METTL25: variants seen among roughly 807,000 people sequenced by gnomAD.
METTL25 encodes the protein probable methyltransferase-like protein 25.
Under a neutral mutation model 71.6 loss-of-function variants are expected in METTL25, and 64 were observed. That is an observed-to-expected ratio of 0.89 (90% CI 0.73 to 1.10). The LOEUF (loss-of-function observed/expected upper bound fraction) is 1.10. Ranked by LOEUF, METTL25 falls within the 50% of genes least tolerant of loss-of-function variation. The pLI, the probability that METTL25 is intolerant of heterozygous loss-of-function variation, is 0.00. For synonymous variants in METTL25, 287 were observed against 250.3 expected (o/e 1.15, Z -1.38); for missense variants, 807 against 707.0 (o/e 1.14, Z -1.60).
At chr12:82,360,327 CT>C (rs1472528078) in intron 1 of METTL25, among the ~76,000 whole-genome samples, 1 of 151,948 alleles carries the variant, frequency 6.6e-6, no homozygotes, top group Admixed American at 6.6e-5. Flanking sequence ...CTCTTTTAAT[CT>C]TTACATCAGC....
intron 7 of METTL25, among the ~76,000 whole-genome samples, chr12:82,435,273 T>G (rs956568055): frequency 6.6e-6 from 1 of 151,418 alleles, no homozygotes; most frequent in Admixed American, 6.6e-5. Flanking sequence ...TTTTGGACCC[T>G]TTCATAAAAT....
chr12:82,474,209 A>G (rs935628060), intron 9 of METTL25, among the ~76,000 whole-genome samples: 4 of 152,156 alleles, frequency 2.6e-5, no homozygotes, highest in African/African-American at 9.7e-5. Flanking sequence ...TCTTCTGCTT[A>G]CTTTTTCCCT....
chr12:82,366,484 C>A (rs142163889), intron 1 of METTL25, among the ~76,000 whole-genome samples: 1 of 152,216 alleles, frequency 6.6e-6, no homozygotes, highest in Non-Finnish European at 1.5e-5. Context: ...TTTTGGTGAT[C>A]ATCTGGTGTA....
intron 8 of METTL25, among the ~76,000 whole-genome samples, chr12:82,442,005 C>T (rs920517019): frequency 1.3e-5 from 2 of 151,958 alleles, no homozygotes; most frequent in Admixed American, 6.6e-5. Context: ...TAAAAATTAA[C>T]GCAATACCAC....
intron 9 of METTL25, among the ~76,000 whole-genome samples, chr12:82,461,099 T>C (rs1223381349): frequency 1.3e-5 from 2 of 152,120 alleles, no homozygotes; most frequent in Non-Finnish European, 1.5e-5. Context: ...GCCAAGATCG[T>C]GCCACTGCAC....
intron 5 of METTL25, among the ~76,000 whole-genome samples, chr12:82,417,910 G>A (rs1565847236): frequency 2.6e-5 from 4 of 152,028 alleles, no homozygotes; most frequent in Non-Finnish European, 5.9e-5. Flanking sequence ...GGAGACAGAC[G>A]GTCTTCCAGA....
At chr12:82,400,861 A>G (rs919575656) in intron 4 of METTL25, among the ~76,000 whole-genome samples, 1 of 152,134 alleles carries the variant, frequency 6.6e-6, no homozygotes, top group African/African-American at 2.4e-5. Context: ...CTACTTGCTA[A>G]TATTAACTAA....
intron 8 of METTL25, among the ~76,000 whole-genome samples, chr12:82,451,514 A>G (rs1315958460): frequency 1.3e-5 from 2 of 152,184 alleles, no homozygotes; most frequent in Non-Finnish European, 2.9e-5. Flanking sequence ...TACTTACAAC[A>G]ATGCCTGGAA....
chr12:82,473,216 GGTC>G (rs1462910165), intron 9 of METTL25, among the ~76,000 whole-genome samples: 1 of 152,116 alleles, frequency 6.6e-6, no homozygotes, highest in Non-Finnish European at 1.5e-5. Context: ...GCATATCATG[GGTC>G]AGCCAGCTTG....
chr12:82,420,564 T>C (rs933768817), intron 5 of METTL25, among the ~76,000 whole-genome samples: 2 of 152,056 alleles, frequency 1.3e-5, no homozygotes, highest in Non-Finnish European at 2.9e-5. Flanking sequence ...AAAATACATA[T>C]CAGGTGTGAA....
At chr12:82,456,280 C>T (rs1033400063) in intron 8 of METTL25, among the ~76,000 whole-genome samples, 13 of 151,754 alleles carry the variant, frequency 8.6e-5, no homozygotes, top group Non-Finnish European at 1.8e-4. Context: ...AAGTCAGATC[C>T]ATCTCATTAT....
intron 8 of METTL25, among the ~76,000 whole-genome samples, chr12:82,444,965 T>C (rs969150652): frequency 6.6e-6 from 1 of 152,128 alleles, no homozygotes; most frequent in Non-Finnish European, 1.5e-5. Flanking sequence ...CCAGACTCTA[T>C]AGAATTCAGC....
intron 3 of METTL25, among the ~76,000 whole-genome samples, chr12:82,393,864 T>G (rs909789090): frequency 3.9e-5 from 6 of 152,032 alleles, no homozygotes; most frequent in Admixed American, 3.9e-4. Context: ...TTTCTACTTT[T>G]TTGTTACATG....
At chr12:82,358,918 T>G in intron 1 of METTL25, 94 bp downstream of exon 1, 1 of 1,446,876 alleles carries the variant, frequency 6.9e-7, no homozygotes, top group Admixed American at 2.1e-5. Context: ...CAGAACCAGG[T>G]GCGTGGCGGC....
chr12:82,366,752 A>C (rs1198382349), intron 1 of METTL25, among the ~76,000 whole-genome samples: 1 of 152,158 alleles, frequency 6.6e-6, no homozygotes, highest in Non-Finnish European at 1.5e-5. Context: ...ACGGAGAAAT[A>C]ATTAGTGTGT....
rs1325301214 is a variant in METTL25, at chr12:82,403,078, T to C, written c.1227T>C (p.Ser409=). The part of the protein sequence containing the change: ...TSNSEIKGVC[S]VGCCYHLLSE... ...ACTCTGAAATCAAGGGAGTTTGCAG[T>C]GTGGGTTGTTGCTACCACCTCTTAT... Residue 409 remains serine, a synonymous_variant, in exon 5 of 12, where the codon AGT becomes AGC. Transcript: ENST00000248306. 1 of 1,613,388 alleles carries C rather than the reference T, an allele frequency of 6.2e-7. No individual in the cohort carries two copies. The highest frequency in any genetic ancestry group is 1.7e-5 in the Admixed American group (1 of 59,932).
intron 9 of METTL25, among the ~76,000 whole-genome samples, chr12:82,459,043 AT>A (rs1355639531): frequency 6.6e-6 from 1 of 152,176 alleles, no homozygotes; most frequent in Non-Finnish European, 1.5e-5. Flanking sequence ...CTAAGGGCTT[AT>A]TTACAGCAGT....
chr12:82,468,270 T>C (rs923297119), intron 9 of METTL25, among the ~76,000 whole-genome samples: 1 of 152,152 alleles, frequency 6.6e-6, no homozygotes, highest in African/African-American at 2.4e-5. Context: ...AAAAATTTGA[T>C]TTTCAAATAT....
intron 7 of METTL25, among the ~76,000 whole-genome samples, chr12:82,435,972 A>C (rs961494386): frequency 2.0e-5 from 3 of 151,466 alleles, no homozygotes; most frequent in Non-Finnish European, 4.4e-5. Flanking sequence ...AGAGACTGTA[A>C]GGTAACAAAG....
Sources: gnomAD v4.1 joint callset for allele counts (sites outside exome capture counted in the v4.1 genomes callset) on GRCh38, gnomAD v4.1.1 for gene constraint, MANE v1.5 for transcripts, NCBI Gene and HGNC (gene_info 2026-07-23, HGNC 2026-07-21) for gene names.